The following SORCS3 variants were observed in gnomAD, a reference collection of about 807,000 sequenced individuals.
SORCS3 encodes the protein sortilin related VPS10 domain containing receptor 3, also known as VPS10 domain-containing receptor SorCS3.
In SORCS3, 57 loss-of-function variants were observed where a neutral mutation model predicts 146.3. That is an observed-to-expected ratio of 0.39 (90% CI 0.31 to 0.49). The LOEUF is 0.49. SORCS3 is among the 20% of genes least tolerant of loss of function. The pLI, the probability that SORCS3 is intolerant of heterozygous loss-of-function variation, is 0.92. For missense variants in SORCS3, 1,341 were observed against 1,575.5 expected, an observed-to-expected ratio of 0.85 and a Z score of 2.52; for synonymous variants, 653 against 618.5, an observed-to-expected ratio of 1.06 and a Z score of -0.83.
At chr10:104,825,225 T>C (rs1318606190) in intron 1 of SORCS3, among the ~76,000 whole-genome samples, 1 of 152,174 alleles carries the variant, frequency 6.6e-6, no homozygotes, top group Non-Finnish European at 1.5e-5. Context: ...ACCTAATGCA[T>C]GCTGACGGCT....
At chr10:105,078,254 T>C (rs1244736795) in intron 5 of SORCS3, among the ~76,000 whole-genome samples, 1 of 152,226 alleles carries the variant, frequency 6.6e-6, no homozygotes, top group Non-Finnish European at 1.5e-5. Context: ...TTCCCATTCA[T>C]GTATTTATTC....
intron 20 of SORCS3, among the ~76,000 whole-genome samples, chr10:105,235,906 A>G (rs1564791710): frequency 6.6e-6 from 1 of 152,116 alleles, no homozygotes. Flanking sequence ...ATGCTATTTT[A>G]TAGCATAAAT....
At chr10:105,016,644 T>G (rs750484502) in intron 4 of SORCS3, among the ~76,000 whole-genome samples, 8 of 152,108 alleles carry the variant, frequency 5.3e-5, no homozygotes, top group Non-Finnish European at 8.8e-5. Flanking sequence ...TGACTTTTTT[T>G]TGTGTTCCCT....
At chr10:104,810,676 G>A (rs988781052) in intron 1 of SORCS3, among the ~76,000 whole-genome samples, 2 of 152,212 alleles carry the variant, frequency 1.3e-5, no homozygotes, top group Admixed American at 1.3e-4. Context: ...TACTGGGCCA[G>A]AGGGTATAAG....
intron 19 of SORCS3, among the ~76,000 whole-genome samples, chr10:105,218,438 A>G (rs531364340): frequency 1.3e-5 from 2 of 152,346 alleles, no homozygotes; most frequent in Admixed American, 1.3e-4. Context: ...GGAGGTAACA[A>G]TGCAGATATG....
intron 5 of SORCS3, among the ~76,000 whole-genome samples, chr10:105,053,190 G>A (rs2055424374): frequency 6.6e-6 from 1 of 151,994 alleles, no homozygotes; most frequent in Non-Finnish European, 1.5e-5. Flanking sequence ...ACTTCCCAAA[G>A]GCCTTATCTT....
chr10:105,224,970 T>A (rs1003802606), intron 20 of SORCS3, among the ~76,000 whole-genome samples: 1 of 152,182 alleles, frequency 6.6e-6, no homozygotes, highest in Non-Finnish European at 1.5e-5. Flanking sequence ...ATTCTTTGTA[T>A]ATTATTGGAT....
At chr10:105,120,808 A>G (rs890150359) in intron 7 of SORCS3, among the ~76,000 whole-genome samples, 1 of 152,142 alleles carries the variant, frequency 6.6e-6, no homozygotes, top group Admixed American at 6.5e-5. Context: ...AATTGTTTTC[A>G]TTTTATGTAT....
chr10:105,167,388 C>T (rs1041392683), intron 13 of SORCS3, 39 bp downstream of exon 13: 7 of 1,477,098 alleles, frequency 4.7e-6, no homozygotes, highest in African/African-American at 2.8e-5. Flanking sequence ...AGCTAATGAG[C>T]AGCTTTTTAG....
At chr10:104,978,649 A>G (rs2054916140) in intron 4 of SORCS3, among the ~76,000 whole-genome samples, 1 of 152,162 alleles carries the variant, frequency 6.6e-6, no homozygotes, top group Admixed American at 6.5e-5. Context: ...TCTTTCTGTT[A>G]CCACTTCTAA....
At chr10:104,842,943 T>C in intron 2 of SORCS3, 84 bp downstream of exon 2, 3 of 1,074,954 alleles carry the variant, frequency 2.8e-6, no homozygotes, top group Non-Finnish European at 4.3e-6. Flanking sequence ...AAGTGTGGAC[T>C]GGAAGGAGCA....
chr10:105,022,264 ACTAT>A (rs1453038403), intron 4 of SORCS3, among the ~76,000 whole-genome samples: 1 of 151,350 alleles, frequency 6.6e-6, no homozygotes, highest in East Asian at 1.9e-4. Flanking sequence ...GCATATGGGA[ACTAT>A]CTGTTTACTT....
intron 16 of SORCS3, 143 bp downstream of exon 16, chr10:105,201,396 C>A: frequency 2.0e-6 from 2 of 1,025,076 alleles, no homozygotes; most frequent in South Asian, 3.5e-5. Flanking sequence ...CCATCCATCC[C>A]AGTTACTGGG....
intron 9 of SORCS3, among the ~76,000 whole-genome samples, chr10:105,154,101 C>T (rs1298485559): frequency 6.9e-6 from 1 of 144,856 alleles, no homozygotes; most frequent in African/African-American, 2.5e-5. Context: ...AACTTCCCAT[C>T]CAGCCTCAGT....
chr10:104,967,367 A>C (rs907016227), intron 3 of SORCS3, among the ~76,000 whole-genome samples: 7 of 152,206 alleles, frequency 4.6e-5, no homozygotes, highest in African/African-American at 1.7e-4. Context: ...AAATTATGGC[A>C]AACAAACACA....
intron 13 of SORCS3, among the ~76,000 whole-genome samples, chr10:105,175,468 C>A (rs1397932762): frequency 6.6e-6 from 1 of 152,110 alleles, no homozygotes; most frequent in African/African-American, 2.4e-5. Context: ...GTCGCCAAAA[C>A]AAACCAAACA....
At chr10:104,741,854 G>A (rs2016849468) in intron 1 of SORCS3, among the ~76,000 whole-genome samples, 1 of 151,014 alleles carries the variant, frequency 6.6e-6, no homozygotes, top group Admixed American at 6.6e-5. Context: ...TGTGTTTCAA[G>A]CGTATGCATA....
intron 1 of SORCS3, among the ~76,000 whole-genome samples, chr10:104,718,658 G>T (rs1428557738): frequency 6.6e-6 from 1 of 152,152 alleles, no homozygotes; most frequent in African/African-American, 2.4e-5. Context: ...GGAATAGATT[G>T]CAGTAATGGG....
At chr10:104,824,120 C>T (rs539484703) in intron 1 of SORCS3, among the ~76,000 whole-genome samples, 1 of 152,312 alleles carries the variant, frequency 6.6e-6, no homozygotes, top group African/African-American at 2.4e-5. Flanking sequence ...GCCAGTAAAA[C>T]CCATTTTGGA....
Sources: allele counts gnomAD v4.1 joint callset (sites outside exome capture counted in the v4.1 genomes callset), GRCh38; gene constraint gnomAD v4.1.1; transcripts MANE v1.5; gene names NCBI Gene and HGNC (gene_info 2026-07-23, HGNC 2026-07-21).